NDST4: variants seen among roughly 807,000 people sequenced by gnomAD.
The protein encoded by NDST4 is N-deacetylase and N-sulfotransferase 4.
NDST4 carries 63 observed loss-of-function variants against 100.8 expected under a neutral mutation model. The observed-to-expected ratio is 0.62, with a 90% confidence interval of 0.51 to 0.77. NDST4 has a LOEUF of 0.77. Ranked by LOEUF, NDST4 falls within the 30% of genes least tolerant of loss-of-function variation. The pLI is 0.00. For missense variants in NDST4, 943 were observed against 1,018.4 expected (o/e 0.93, Z 1.01); for synonymous variants, 377 against 361.8 (o/e 1.04, Z -0.48).
At chr4:114,990,607 C>T (rs763778095) in intron 2 of NDST4, among the ~76,000 whole-genome samples, 6 of 152,136 alleles carry the variant, frequency 3.9e-5, no homozygotes, top group East Asian at 1.9e-4. Context: ...ACTAGAATTA[C>T]GTTTAGAAAT....
intron 6 of NDST4, among the ~76,000 whole-genome samples, chr4:114,921,008 G>A (rs1280815314): frequency 1.3e-5 from 2 of 152,072 alleles, no homozygotes; most frequent in African/African-American, 4.8e-5. Flanking sequence ...CAAACACAGA[G>A]GTTGCCATAA....
intron 9 of NDST4, 114 bp from the exon 10 acceptor site, chr4:114,846,111 T>C (rs1560775994): frequency 4.8e-6 from 4 of 837,558 alleles, no homozygotes; most frequent in Admixed American, 2.8e-5. Flanking sequence ...CTGATTATTA[T>C]GCTGTTATAG....
At chr4:114,918,239 G>C (rs371867839) in intron 6 of NDST4, among the ~76,000 whole-genome samples, 197 of 152,002 alleles carry the variant, frequency 1.3e-3, no homozygotes, top group African/African-American at 4.2e-3. Context: ...GGCTAACTGG[G>C]AAGCTCAAAG....
intron 7 of NDST4, among the ~76,000 whole-genome samples, chr4:114,859,043 C>T (rs1426133561): frequency 6.6e-6 from 1 of 152,176 alleles, no homozygotes; most frequent in Non-Finnish European, 1.5e-5. Flanking sequence ...GTTGGTACTT[C>T]CTTACCCAGT....
chr4:114,909,541 TC>T (rs1312033617), intron 6 of NDST4, among the ~76,000 whole-genome samples: 2 of 150,898 alleles, frequency 1.3e-5, no homozygotes, highest in Non-Finnish European at 2.9e-5. Flanking sequence ...GCGCCTGTAG[TC>T]CCAGCTACTC....
chr4:114,993,711 T>C (rs781508647), intron 2 of NDST4, among the ~76,000 whole-genome samples: 3 of 151,956 alleles, frequency 2.0e-5, no homozygotes, highest in African/African-American at 4.8e-5. Flanking sequence ...ATAAAGTCTA[T>C]CTTCCGCTAA....
At chr4:115,108,049 G>T (rs1035782513) in intron 1 of NDST4, among the ~76,000 whole-genome samples, 3 of 151,982 alleles carry the variant, frequency 2.0e-5, no homozygotes, top group Admixed American at 1.3e-4. Flanking sequence ...ACTTATTACA[G>T]TACAGGGAAT....
intron 2 of NDST4, among the ~76,000 whole-genome samples, chr4:115,021,977 T>C (rs1727839843): frequency 6.6e-6 from 1 of 152,108 alleles, no homozygotes; most frequent in Non-Finnish European, 1.5e-5. Context: ...TCCATATATA[T>C]GTTCCATATC....
chr4:114,909,887 A>C (rs1303877661), intron 6 of NDST4, among the ~76,000 whole-genome samples: 2 of 152,134 alleles, frequency 1.3e-5, no homozygotes, highest in African/African-American at 4.8e-5. Context: ...ATCTCATTTG[A>C]AATGTAAATT....
chr4:114,845,912 C>A lies in NDST4; in HGVS notation c.2026G>T (p.Ala676Ser). The change falls in exon 10 of 14, where the codon GCT becomes TCT. Residue 676 changes from alanine to serine, a missense_variant. This residue lies in a region of NDST4 where 526 missense variants were observed against 634.1 expected (regional missense o/e 0.83). Coordinates refer to ENST00000264363, the MANE Select transcript of NDST4 (RefSeq NM_022569.3). Reference protein sequence around the residue: ...KSANYFHSEEAPRRAASLVPK... With the variant: ...KSANYFHSEESPRRAASLVPK... ...ACAAGAGATGCGGCTCGTCTTGGAG[C>A]TTCTTCCGAATGGAAGTAATTAGCA... is the stretch of plus-strand genomic sequence containing the variant. 1 of 1,613,974 alleles carries A rather than the reference C, an allele frequency of 6.2e-7. No homozygotes were observed. Among genetic ancestry groups the A allele is most frequent in the Non-Finnish European group, 8.5e-7 (1 of 1,179,942 alleles).
chr4:114,960,052 C>T (rs1726227470), intron 4 of NDST4, among the ~76,000 whole-genome samples: 1 of 152,068 alleles, frequency 6.6e-6, no homozygotes, highest in South Asian at 2.1e-4. Context: ...GAACTCATCA[C>T]ATAGAAGTGA....
At chr4:114,989,010 A>T (rs1390623476) in intron 2 of NDST4, among the ~76,000 whole-genome samples, 1 of 151,674 alleles carries the variant, frequency 6.6e-6, no homozygotes, top group East Asian at 1.9e-4. Context: ...ACAAAAACTT[A>T]AGAGTTTCAA....
At chr4:114,908,551 T>C (rs912992644) in intron 6 of NDST4, among the ~76,000 whole-genome samples, 8 of 152,250 alleles carry the variant, frequency 5.3e-5, no homozygotes, top group African/African-American at 1.9e-4. Flanking sequence ...TTTTATGTGA[T>C]ATGATATGAT....
intron 1 of NDST4, among the ~76,000 whole-genome samples, chr4:115,089,682 A>G (rs1439452765): frequency 6.6e-6 from 1 of 151,972 alleles, no homozygotes; most frequent in Non-Finnish European, 1.5e-5. Flanking sequence ...ATAACCCAAT[A>G]CTAAATTAGA....
At chr4:114,871,039 C>A in intron 6 of NDST4, 89 bp from the exon 7 acceptor site, 1 of 839,868 alleles carries the variant, frequency 1.2e-6, no homozygotes, top group Non-Finnish European at 1.7e-6. Context: ...CTCACCTCAC[C>A]TTGGAATTTC....
Position 115,073,063 on chromosome 4 carries a change from A to G in NDST4, c.978+2996T>C, listed in dbSNP as rs117988920. 2.9e-3 allele frequency among the ~76,000 whole-genome samples: 447 copies of G among 152,146 alleles called. 17 individuals are homozygous for G. In the East Asian group the frequency reaches 0.075, roughly 26 times the overall value. Reference sequence around the variant, plus strand: ...GAAAACATAAATGACCAATAGGTTTATAAAAATAACATCGCTAACTATCAG... The same window carrying G: ...GAAAACATAAATGACCAATAGGTTTGTAAAAATAACATCGCTAACTATCAG... On this transcript the variant is annotated intron_variant, in intron 2 of 13. Coordinates refer to ENST00000264363, the MANE Select transcript of NDST4 (RefSeq NM_022569.3).
chr4:115,077,050 G>T lies in NDST4; in HGVS notation c.-14C>A. 1.3e-6 allele frequency: 2 copies of T among 1,571,856 alleles called. No individual in the cohort carries two copies. Among genetic ancestry groups the T allele is most frequent in the Non-Finnish European group, 1.7e-6 (2 of 1,162,204 alleles). ...AATAAGATTCATTTTTTAGAATAATGTTTTGGAAGCTTTTTCCCAATTTCG... is the reference window on the plus strand; with the variant it reads ...AATAAGATTCATTTTTTAGAATAATTTTTTGGAAGCTTTTTCCCAATTTCG... On this transcript the variant is annotated 5_prime_UTR_variant, in exon 2 of 14. Transcript: ENST00000264363.
intron 6 of NDST4, among the ~76,000 whole-genome samples, chr4:114,933,384 A>G (rs1021198680): frequency 2.0e-5 from 3 of 149,062 alleles, no homozygotes; most frequent in African/African-American, 7.3e-5. Flanking sequence ...AAGGAAGTAT[A>G]GGGAAAAAAC....
intron 6 of NDST4, among the ~76,000 whole-genome samples, chr4:114,907,408 C>A (rs975408652): frequency 2.0e-5 from 3 of 152,076 alleles, no homozygotes; most frequent in Non-Finnish European, 4.4e-5. Context: ...AATAATAATA[C>A]CTCTCTCATA....
Sources: allele counts gnomAD v4.1 joint callset (sites outside exome capture counted in the v4.1 genomes callset), GRCh38; gene constraint gnomAD v4.1.1; regional missense constraint gnomAD v4.1.1; transcripts MANE v1.5; gene names NCBI Gene and HGNC (gene_info 2026-07-23, HGNC 2026-07-21).